ALAS1: variants seen among roughly 807,000 people sequenced by gnomAD.
The protein encoded by ALAS1 is 5'-aminolevulinate synthase 1, also known as 5-aminolevulinate synthase, non-specific, mitochondrial.
A neutral mutation model predicts 59.6 loss-of-function variants in ALAS1; 29 were observed. That is an observed-to-expected ratio of 0.49 (90% CI 0.36 to 0.66). ALAS1 has a LOEUF of 0.66. ALAS1 is among the 30% of genes least tolerant of loss of function. The pLI, the probability that ALAS1 is intolerant of heterozygous loss-of-function variation, is 0.00. For missense variants in ALAS1, 690 were observed against 807.5 expected (o/e 0.85, Z 1.76); for synonymous variants, 299 against 296.6 (o/e 1.01, Z -0.08).
chr3:52,198,945 T>C, intron 2 of ALAS1, 97 bp downstream of exon 2: 1 of 1,365,238 alleles, frequency 7.3e-7, no homozygotes, highest in Non-Finnish European at 1.0e-6. Context: ...TCCGCCCCCT[T>C]GATTATGTAC....
chr3:52,204,899 G>A lies in ALAS1; in HGVS notation c.784G>A (p.Val262Met), dbSNP rs757350294. ...DYLGMSRHPR[V>M]CGAVMDTLKQ... is the part of the protein sequence containing the mutation. ...CCTAGGAATGAGTCGCCACCCACGG[G>A]TGTGTGGGGCAGTTATGTAAGTAGC... The change falls in exon 6 of 12, where the codon GTG becomes ATG. Residue 262 changes from valine (V) to methionine (M), a missense_variant. By Grantham distance (21) the Val-to-Met change is conservative. Coordinates refer to ENST00000484952, the MANE Select transcript of ALAS1 (RefSeq NM_000688.6). The A allele has an allele frequency of 8.1e-6, 13 of 1,613,914 alleles. No individual in the cohort carries two copies. The Admixed American group carries it at 1.5e-4, about 19-fold the overall frequency.
At position 52,211,320 on chromosome 3, in the gene ALAS1, C is replaced by T. The variant is rs1388958442; in HGVS notation, c.1368C>T (p.Ser456=). ...AFGCVGGYIA[S]TSSLIDTVRS... is the part of the protein sequence containing the mutation. ...GTTGTGTTGGAGGGTACATCGCCAGCACGAGTTCTCTGATTGACACCGTAC... is the reference window on the plus strand; with the variant it reads ...GTTGTGTTGGAGGGTACATCGCCAGTACGAGTTCTCTGATTGACACCGTAC... Residue 456 remains serine, a synonymous_variant, in exon 10 of 12, where the codon AGC becomes AGT. Transcript: ENST00000484952. The T allele has an allele frequency of 1.2e-6, 2 of 1,614,088 alleles. No homozygotes were observed. The highest frequency in any genetic ancestry group is 1.7e-6 in the Non-Finnish European group (2 of 1,180,062).
At chr3:52,198,538 C>T in intron 1 of ALAS1, 134 bp from the exon 2 acceptor site, 1 of 548,020 alleles carries the variant, frequency 1.8e-6, no homozygotes, top group South Asian at 2.5e-5. Context: ...TCACCTCTGA[C>T]CCCCACTGCC....
chr3:52,206,451 G>C, intron 7 of ALAS1, 121 bp from the exon 8 acceptor site: 1 of 1,140,990 alleles, frequency 8.8e-7, no homozygotes, highest in South Asian at 1.5e-5. Context: ...CTGGCACACA[G>C]TGTCTTTTTC....
chr3:52,204,752 G>T lies in ALAS1; in HGVS notation c.637G>T (p.Asp213Tyr). 2 of 1,614,094 alleles carry T rather than the reference G, an allele frequency of 1.2e-6. No homozygotes were observed. The highest frequency in any genetic ancestry group is 1.1e-5 in the South Asian group (1 of 91,044). ...GAAAAAAATTGATGAGAAAAAGAAT[G>T]ACCACACCTATCGAGTTTTTAAAAC... ...FEKKIDEKKN[D>Y]HTYRVFKTVN... is the part of the protein sequence containing the mutation. The change falls in exon 6 of 12, where the codon GAC (aspartate) becomes TAC (tyrosine). Residue 213 changes from aspartate (D) to tyrosine (Y), a missense_variant. Coordinates refer to ENST00000484952, the MANE Select transcript of ALAS1 (RefSeq NM_000688.6).
Position 52,198,233 on chromosome 3 carries a change from C to T in ALAS1, c.-232C>T. On this transcript the variant is annotated 5_prime_UTR_variant, in exon 1 of 12. Coordinates refer to ENST00000484952, the MANE Select transcript of ALAS1 (RefSeq NM_000688.6). ...CTTGAGTGCCCGCCTCCTTCGCCGC[C>T]GCCTCTGCAGTCCTCAGCGCAGGTG... 2.5e-6 allele frequency: 1 copy of T among 398,966 alleles called. No individual in the cohort carries two copies. The allele number at this position is 398,966 out of a possible 1,614,324, so 24.7% of individuals were successfully genotyped here.
At chr3:52,202,212 T>C (rs1048220729) in intron 3 of ALAS1, among the ~76,000 whole-genome samples, 2 of 152,232 alleles carry the variant, frequency 1.3e-5, no homozygotes, top group Non-Finnish European at 2.9e-5. Flanking sequence ...TAGCCAGGCA[T>C]GGTGGCACAC....
Position 52,203,965 on chromosome 3 carries a change from A to G in ALAS1, c.530A>G (p.Gln177Arg). The change falls in exon 5 of 12, where the codon CAA (glutamine) becomes CGA (arginine). Residue 177 changes from glutamine to arginine, a missense_variant. Gln to Arg is a conservative substitution (Grantham distance 43, BLOSUM62 1). Coordinates refer to ENST00000484952, the MANE Select transcript of ALAS1 (RefSeq NM_000688.6). ...AACTTCCAGGACATCATGCAAAAGC[A>G]AAGACCAGAAAGAGTGTCTCATCTT... ...LKNFQDIMQK[Q>R]RPERVSHLLQ... 1.2e-6 allele frequency: 2 copies of G among 1,613,158 alleles called. No homozygotes were observed. Among genetic ancestry groups the G allele is most frequent in the South Asian group, 2.2e-5 (2 of 90,904 alleles).
rs1342919184 is a variant in ALAS1 at position 52,205,929 on chromosome 3, G to A, written c.891G>A (p.Leu297=). The A allele has an allele frequency of 6.2e-7, 1 of 1,614,234 alleles. No homozygotes were observed. The highest frequency in any genetic ancestry group is 1.1e-5 in the South Asian group (1 of 91,082). Residue 297 remains leucine, a synonymous_variant, in exon 7 of 12, where the codon CTG becomes CTA. Transcript: ENST00000484952. ...TCCATGTGGACTTAGAGCGGGAGCT[G>A]GCAGACCTCCATGGGAAAGATGCCG... ...SKFHVDLERE[L]ADLHGKDAAL...
intron 2 of ALAS1, among the ~76,000 whole-genome samples, 172 bp from the exon 3 acceptor site, chr3:52,199,038 G>C (rs1202116963): frequency 1.3e-5 from 2 of 152,222 alleles, no homozygotes; most frequent in Non-Finnish European, 2.9e-5. Flanking sequence ...CCCGGGTAAA[G>C]TGTGGTCACC....
Position 52,199,366 on chromosome 3 carries a change from A to G in ALAS1, c.125A>G (p.Lys42Arg), listed in dbSNP as rs745382348. Residue 42 changes from lysine (K) to arginine (R), a missense_variant, in exon 3 of 12, where the codon AAG becomes AGG. Lys to Arg is a conservative substitution (Grantham distance 26). Transcript: ENST00000484952. ...CCCAAGATGATGGAAGTTGGGGCCA[A>G]GCCAGCCCCTCGGGCATTGTCCACT... ...NCPKMMEVGA[K>R]PAPRALSTAA... The G allele has an allele frequency of 6.2e-7, 1 of 1,614,210 alleles. No homozygotes were observed. The highest frequency in any genetic ancestry group is 2.2e-5 in the East Asian group (1 of 44,886).
chr3:52,211,573 G>A, intron 10 of ALAS1, 22 bp downstream of exon 10: 5 of 1,611,290 alleles, frequency 3.1e-6, no homozygotes, highest in Non-Finnish European at 4.2e-6. Context: ...TCTCTGATTG[G>A]ACTTGCCGTG....
chr3:52,202,786 CT>C lies in ALAS1; in HGVS notation c.427+56del, dbSNP rs1425875607. 4 of 1,538,112 alleles carry C rather than the reference CT, an allele frequency of 2.6e-6. No individual in the cohort carries two copies. The African/African-American group carries it at 5.4e-5, about 21-fold the overall frequency. ...TGGTAGTGAAGGGGTCCTTTTAGTTCTTTTGGGCCCTCAGATTTGTGTATGA... is the reference window on the plus strand; with the variant it reads ...TGGTAGTGAAGGGGTCCTTTTAGTTCTTTGGGCCCTCAGATTTGTGTATGA... On this transcript the variant is annotated intron_variant, in intron 4 of 11. Transcript: ENST00000484952.
At chr3:52,199,012 A>T (rs1699130031) in intron 2 of ALAS1, among the ~76,000 whole-genome samples, 164 bp downstream of exon 2, 1 of 152,154 alleles carries the variant, frequency 6.6e-6, no homozygotes, top group Admixed American at 6.5e-5. Context: ...GCGCTGGAGA[A>T]TGAAGAAGTT....
At chr3:52,204,090 A>C in intron 5 of ALAS1, 78 bp downstream of exon 5, 1 of 1,451,242 alleles carries the variant, frequency 6.9e-7, no homozygotes, top group Non-Finnish European at 9.3e-7. Context: ...ATAAAATTGC[A>C]TGGTGAGGCT....
At chr3:52,212,525 C>T in intron 11 of ALAS1, 105 bp downstream of exon 11, 2 of 1,442,862 alleles carry the variant, frequency 1.4e-6, no homozygotes, top group Non-Finnish European at 1.9e-6. Flanking sequence ...TTTGTTTCTT[C>T]TTCTTTTTTT....
Position 52,202,666 on chromosome 3 carries a change from G to A in ALAS1, c.359G>A (p.Ser120Asn), listed in dbSNP as rs1425759204. 5.6e-6 allele frequency: 9 copies of A among 1,614,232 alleles called. No homozygotes were observed. The highest frequency in any genetic ancestry group is 7.6e-6 in the Non-Finnish European group (9 of 1,180,046). The change falls in exon 4 of 12, where the codon AGC becomes AAC. Residue 120 changes from serine to asparagine, a missense_variant. Physicochemically the swap from Ser to Asn is conservative, Grantham distance 46 (BLOSUM62 1). Coordinates refer to ENST00000484952, the MANE Select transcript of ALAS1 (RefSeq NM_000688.6). Reference sequence around the variant, plus strand: ...GCAGCACAGATGAATCAGAGAGGCAGCAGTGTCTTCTGCAAAGCCAGTCTT... The same window carrying A: ...GCAGCACAGATGAATCAGAGAGGCAACAGTGTCTTCTGCAAAGCCAGTCTT... ...FLAAQMNQRG[S>N]SVFCKASLEL...
chr3:52,212,680 C>T (rs1033430974), intron 11 of ALAS1, among the ~76,000 whole-genome samples: 1 of 152,046 alleles, frequency 6.6e-6, no homozygotes, highest in African/African-American at 2.4e-5. Flanking sequence ...TACAGCCATG[C>T]GCCACCACGC....
intron 10 of ALAS1, 24 bp from the exon 11 acceptor site, chr3:52,212,234 A>G (rs774324597): frequency 5.0e-6 from 8 of 1,607,070 alleles, no homozygotes; most frequent in Non-Finnish European, 6.0e-6. Context: ...TTGTGACCTT[A>G]CCTTCTGCTC....
Sources: allele counts gnomAD v4.1 joint callset (sites outside exome capture counted in the v4.1 genomes callset), GRCh38; gene constraint gnomAD v4.1.1; transcripts MANE v1.5; gene names NCBI Gene and HGNC (gene_info 2026-07-23, HGNC 2026-07-21).